RIMS1: variants seen among roughly 807,000 people sequenced by gnomAD.
RIMS1 encodes regulating synaptic membrane exocytosis 1, also known as regulating synaptic membrane exocytosis protein 1.
In RIMS1, 83 loss-of-function variants were observed where a neutral mutation model predicts 214.1. The ratio of observed to expected loss-of-function variants is 0.39; its 90% confidence interval spans 0.32 to 0.47. The LOEUF (loss-of-function observed/expected upper bound fraction) is 0.47. RIMS1 is among the 20% of genes least tolerant of loss of function. The pLI, the probability that RIMS1 is intolerant of heterozygous loss-of-function variation, is 0.99. For synonymous variants in RIMS1, 793 were observed against 786.8 expected, an observed-to-expected ratio of 1.01 and a Z score of -0.13; for missense variants, 2,050 against 2,161.8, an observed-to-expected ratio of 0.95 and a Z score of 1.03.
Position 72,081,463 on chromosome 6 carries a change from G to A in RIMS1, c.246-15486G>A, listed in dbSNP as rs147249789. Among the ~76,000 whole-genome samples, 50 of 152,126 alleles carry A rather than the reference G, an allele frequency of 3.3e-4. No individual in the cohort carries two copies. The East Asian group carries it at 3.3e-3, about 10-fold the overall frequency. ...GTACCTTCATATTATTCAAAGTTTCGCATAGATGGTGCAATATTATGAAAG... is the reference window on the plus strand; with the variant it reads ...GTACCTTCATATTATTCAAAGTTTCACATAGATGGTGCAATATTATGAAAG... On this transcript the variant is annotated intron_variant, in intron 2 of 33. Coordinates refer to ENST00000521978, the MANE Select transcript of RIMS1 (RefSeq NM_014989.7).
chr6:71,982,890 C>T (rs1798854761), intron 2 of RIMS1, among the ~76,000 whole-genome samples: 1 of 152,140 alleles, frequency 6.6e-6, no homozygotes. Flanking sequence ...GTCCTGCCTG[C>T]ACAGTGCCTG....
At chr6:72,026,462 C>CA (rs1562145743) in intron 2 of RIMS1, among the ~76,000 whole-genome samples, 1 of 141,926 alleles carries the variant, frequency 7.0e-6, no homozygotes, top group African/African-American at 2.6e-5. Context: ...ACCGCCCCCC[C>CA]CCCCAACTTT....
intron 6 of RIMS1, among the ~76,000 whole-genome samples, chr6:72,193,707 T>C (rs1308017187): frequency 6.6e-6 from 1 of 152,142 alleles, no homozygotes; most frequent in East Asian, 1.9e-4. Context: ...ATCTACCTCA[T>C]AAGGTTGTTG....
chr6:72,084,328 A>G (rs976030070), intron 2 of RIMS1, among the ~76,000 whole-genome samples: 1 of 152,190 alleles, frequency 6.6e-6, no homozygotes, highest in Non-Finnish European at 1.5e-5. Flanking sequence ...TAAAAATTAC[A>G]TTCCTAATTC....
intron 2 of RIMS1, among the ~76,000 whole-genome samples, chr6:71,972,028 A>G (rs147369187): frequency 3.2e-4 from 49 of 152,290 alleles, no homozygotes; most frequent in Middle Eastern, 6.8e-3. Context: ...GGGGAAATAG[A>G]TGACATCACC....
Position 72,235,671 on chromosome 6 carries a change from T to C in RIMS1, c.1800T>C (p.Val600=), listed in dbSNP as rs2063728829. Residue 600 remains valine, a synonymous_variant, in exon 8 of 34, where the codon GTT becomes GTC. Transcript: ENST00000521978. ...AGGGGGACCGATTAATTGGACGTGT[T>C]ATTCTTAACAAGAGAACAACCATGC... ...SKEGDRLIGR[V]ILNKRTTMPK... 1 of 1,611,264 alleles carries C rather than the reference T, an allele frequency of 6.2e-7. No homozygotes were observed. The highest frequency in any genetic ancestry group is 1.3e-5 in the African/African-American group (1 of 74,850).
intron 18 of RIMS1, among the ~76,000 whole-genome samples, chr6:72,259,711 T>C (rs1174133473): frequency 1.3e-5 from 2 of 152,144 alleles, no homozygotes; most frequent in African/African-American, 2.4e-5. Context: ...TTACTATAAG[T>C]CTACATTATG....
At position 72,182,914 on chromosome 6, in the gene RIMS1, G is replaced by C. The variant is rs938785649; in HGVS notation, c.1443G>C (p.Ala481=). 1 of 1,579,842 alleles carries C rather than the reference G, an allele frequency of 6.3e-7. No individual in the cohort carries two copies. Among genetic ancestry groups the C allele is most frequent in the Non-Finnish European group, 8.6e-7 (1 of 1,164,438 alleles). ...RKQSRLDPSS[A]VLMRKAKREK... ...AGAGCCGCCTGGACCCCAGCTCGGC[G>C]GTCCTCATGCGGAAGGCCAAGCGCG... Residue 481 remains alanine, a synonymous_variant, in exon 6 of 34, where the codon GCG becomes GCC. Coordinates refer to ENST00000521978, the MANE Select transcript of RIMS1 (RefSeq NM_014989.7).
At chr6:72,156,976 A>G (rs908490750) in intron 4 of RIMS1, among the ~76,000 whole-genome samples, 3 of 140,906 alleles carry the variant, frequency 2.1e-5, no homozygotes, top group African/African-American at 7.4e-5. Context: ...GCAGATAATA[A>G]TCATCTGCCT....
intron 2 of RIMS1, among the ~76,000 whole-genome samples, chr6:72,093,784 G>A (rs188520181): frequency 6.6e-5 from 10 of 150,608 alleles, no homozygotes; most frequent in East Asian, 3.9e-4. Context: ...TATTTTTTCC[G>A]CTACTGGTTT....
intron 2 of RIMS1, among the ~76,000 whole-genome samples, chr6:72,068,495 C>G (rs1464927030): frequency 1.3e-5 from 2 of 152,086 alleles, no homozygotes; most frequent in Non-Finnish European, 2.9e-5. Flanking sequence ...AACAATAAAG[C>G]TGGGAGAAGT....
chr6:71,938,758 C>A (rs1268962112), intron 1 of RIMS1, among the ~76,000 whole-genome samples: 2 of 152,152 alleles, frequency 1.3e-5, no homozygotes, highest in Non-Finnish European at 2.9e-5. Flanking sequence ...CTCTGAAATG[C>A]TTTTAGGGTC....
chr6:72,390,779 T>A, intron 30 of RIMS1, 43 bp downstream of exon 30: 1 of 1,604,740 alleles, frequency 6.2e-7, no homozygotes, highest in African/African-American at 1.3e-5. Flanking sequence ...GAACCAGGAA[T>A]TGTGTACTAA....
intron 30 of RIMS1, among the ~76,000 whole-genome samples, chr6:72,392,006 A>G (rs2098710747): frequency 6.6e-6 from 1 of 152,218 alleles, no homozygotes; most frequent in African/African-American, 2.4e-5. Flanking sequence ...CACAATGGAA[A>G]GAGTAAGTCT....
At chr6:72,295,898 CTTTT>C (rs1160215120) in intron 26 of RIMS1, 7 of 422,198 alleles carry the variant, frequency 1.7e-5, no homozygotes, top group African/African-American at 8.6e-5. Flanking sequence ...TGATTTCTTT[CTTTT>C]GTTTCCATCA....
At chr6:72,065,510 C>T (rs1334171237) in intron 2 of RIMS1, among the ~76,000 whole-genome samples, 1 of 151,462 alleles carries the variant, frequency 6.6e-6, no homozygotes, top group Non-Finnish European at 1.5e-5. Context: ...TTGTTTGTTC[C>T]TCTCCGAGGA....
At chr6:72,121,901 T>C (rs1454972640) in intron 4 of RIMS1, among the ~76,000 whole-genome samples, 1 of 151,914 alleles carries the variant, frequency 6.6e-6, no homozygotes, top group Non-Finnish European at 1.5e-5. Flanking sequence ...TCTGCACCTA[T>C]TGAGATAATC....
intron 1 of RIMS1, among the ~76,000 whole-genome samples, chr6:71,959,916 A>G (rs9446516): frequency 0.22 from 33,456 of 152,044 alleles, 3,824 homozygotes; most frequent in South Asian, 0.29. Context: ...ACAAAGCACC[A>G]GTCATAATAT....
rs191231053 is a variant in RIMS1 at position 72,025,230 on chromosome 6, G to C, written c.245+56167G>C. ...AGTCTGCGTTCCTTTTTTGCCACGT[G>C]CTCCTTATATTTGTTTTAGACTTTT... On this transcript the variant is annotated intron_variant, in intron 2 of 33. Transcript: ENST00000521978. Among the ~76,000 whole-genome samples the C allele has an allele frequency of 9.1e-3, 1,379 of 152,030 alleles. 66 individuals are homozygous for C. The highest frequency in any genetic ancestry group is 0.08 in the Admixed American group (1,228 of 15,262).
Sources: allele counts gnomAD v4.1 joint callset (sites outside exome capture counted in the v4.1 genomes callset), GRCh38; gene constraint gnomAD v4.1.1; transcripts MANE v1.5; gene names NCBI Gene and HGNC (gene_info 2026-07-23, HGNC 2026-07-21).